The following PRKN variants were observed in gnomAD, a reference collection of about 807,000 sequenced individuals.
PRKN encodes parkin RBR E3 ubiquitin protein ligase.
A neutral mutation model predicts 59.5 loss-of-function variants in PRKN; 56 were observed. The ratio of observed to expected loss-of-function variants is 0.94; its 90% CI spans 0.76 to 1.18. The LOEUF is 1.18. Ranked by LOEUF, PRKN falls within the 50% of genes most tolerant of loss-of-function variation. The pLI, the probability that PRKN is intolerant of heterozygous loss-of-function variation, is 0.00. For synonymous variants in PRKN, 250 were observed against 222.1 expected (o/e 1.13, Z -1.12); for missense variants, 657 against 596.4 (o/e 1.10, Z -1.06).
intron 2 of PRKN, among the ~76,000 whole-genome samples, chr6:162,400,320 A>G (rs1787707839): frequency 6.6e-6 from 1 of 152,128 alleles, no homozygotes; most frequent in Admixed American, 6.6e-5. Context: ...ACACCAGATT[A>G]TAACTTATTA....
At chr6:161,657,276 T>C (rs1179006524) in intron 7 of PRKN, among the ~76,000 whole-genome samples, 1 of 152,206 alleles carries the variant, frequency 6.6e-6, no homozygotes, top group African/African-American at 2.4e-5. Context: ...CCACTTCTCA[T>C]GTAGATTTCT....
At chr6:162,257,139 T>C (rs2128098374) in intron 3 of PRKN, among the ~76,000 whole-genome samples, 1 of 152,262 alleles carries the variant, frequency 6.6e-6, no homozygotes, top group Non-Finnish European at 1.5e-5. Flanking sequence ...TCCCGCTCTA[T>C]TTCATGACAT....
chr6:162,159,331 T>C (rs899886452), intron 4 of PRKN, among the ~76,000 whole-genome samples: 4 of 152,216 alleles, frequency 2.6e-5, no homozygotes, highest in African/African-American at 7.2e-5. Flanking sequence ...CTTTTCTATA[T>C]ATTAGCAACA....
intron 5 of PRKN, among the ~76,000 whole-genome samples, chr6:162,025,993 A>G (rs1783420177): frequency 6.6e-6 from 1 of 152,132 alleles, no homozygotes; most frequent in South Asian, 2.1e-4. Flanking sequence ...CAGTCAAGGA[A>G]AGGTTAACAA....
intron 7 of PRKN, among the ~76,000 whole-genome samples, chr6:161,697,347 G>A (rs1020611117): frequency 1.3e-5 from 2 of 152,092 alleles, no homozygotes; most frequent in Non-Finnish European, 2.9e-5. Context: ...TGTGAATTAC[G>A]TGCTTCCTAT....
intron 2 of PRKN, among the ~76,000 whole-genome samples, chr6:162,423,827 C>A (rs1789095424): frequency 6.6e-6 from 1 of 152,108 alleles, no homozygotes; most frequent in South Asian, 2.1e-4. Context: ...AGTGCCTACC[C>A]ACTGGATAAA....
intron 4 of PRKN, among the ~76,000 whole-genome samples, chr6:162,189,057 T>G (rs984981392): frequency 3.3e-5 from 5 of 151,366 alleles, no homozygotes; most frequent in Admixed American, 1.3e-4. Context: ...ACTGCAGAGT[T>G]GATTCCTACT....
intron 7 of PRKN, among the ~76,000 whole-genome samples, chr6:161,776,938 G>T (rs1789949720): frequency 6.6e-6 from 1 of 152,148 alleles, no homozygotes; most frequent in African/African-American, 2.4e-5. Flanking sequence ...TAATAAATTA[G>T]AAATGTTCTT....
At chr6:162,378,466 C>G (rs981993183) in intron 2 of PRKN, among the ~76,000 whole-genome samples, 1 of 152,216 alleles carries the variant, frequency 6.6e-6, no homozygotes, top group South Asian at 2.1e-4. Context: ...CACAGGCCAA[C>G]GGATGTTTCT....
intron 4 of PRKN, among the ~76,000 whole-genome samples, chr6:162,109,896 G>C (rs765058740): frequency 1.0e-3 from 154 of 152,146 alleles, no homozygotes; most frequent in Non-Finnish European, 2.9e-4. Flanking sequence ...ATATCCCCAA[G>C]CTTAAATTAG....
intron 1 of PRKN, among the ~76,000 whole-genome samples, chr6:162,569,955 C>T (rs1338841505): frequency 3.9e-5 from 6 of 152,094 alleles, no homozygotes; most frequent in Non-Finnish European, 7.3e-5. Context: ...AATAAAACCT[C>T]AGCTAGCCCT....
rs1439054736 is a variant in PRKN, at chr6:161,562,172, C to T, written c.933+7183G>A. ...CCCGCCTTCTTGGCTTCCCCAACAC[C>T]ATAAATCAGCATTTCTCCTCTGGAA... On this transcript the variant is annotated intron_variant, in intron 8 of 11. Transcript: ENST00000366898. This position sits in a 1 kb window ranked among gnomAD's most constrained non-coding sequence, Gnocchi z 4.3. 6.6e-6 allele frequency among the ~76,000 whole-genome samples: 1 copy of T among 152,102 alleles called. No individual in the cohort carries two copies. Among genetic ancestry groups the T allele is most frequent in the Non-Finnish European group, 1.5e-5 (1 of 68,022 alleles).
intron 9 of PRKN, among the ~76,000 whole-genome samples, chr6:161,424,952 G>C (rs990273461): frequency 6.6e-6 from 1 of 152,130 alleles, no homozygotes; most frequent in African/African-American, 2.4e-5. Context: ...ACTGTCGAGG[G>C]AGACTATGGG....
At chr6:162,586,066 G>A (rs1468234750) in intron 1 of PRKN, among the ~76,000 whole-genome samples, 1 of 152,106 alleles carries the variant, frequency 6.6e-6, no homozygotes, top group Non-Finnish European at 1.5e-5. Context: ...AAAAGCAAAA[G>A]CTGGGTTTCC....
intron 9 of PRKN, among the ~76,000 whole-genome samples, chr6:161,476,901 G>A (rs1398502875): frequency 6.6e-6 from 1 of 152,224 alleles, no homozygotes; most frequent in Non-Finnish European, 1.5e-5. Flanking sequence ...GCATACAGGA[G>A]CTGCTAACAG....
intron 6 of PRKN, among the ~76,000 whole-genome samples, chr6:161,830,227 TC>T (rs1792427450): frequency 6.6e-6 from 1 of 151,558 alleles, no homozygotes; most frequent in African/African-American, 2.4e-5. Flanking sequence ...TCCTAGTGTG[TC>T]GGGGTTACCT....
chr6:161,779,163 C>G (rs191840055), intron 7 of PRKN, among the ~76,000 whole-genome samples: 10 of 152,186 alleles, frequency 6.6e-5, no homozygotes, highest in African/African-American at 2.4e-4. Context: ...TGGTCTCGAA[C>G]TGCTGACCTC....
chr6:161,649,509 T>A (rs1784075702), intron 7 of PRKN, among the ~76,000 whole-genome samples: 1 of 152,204 alleles, frequency 6.6e-6, no homozygotes, highest in South Asian at 2.1e-4. Flanking sequence ...CTGACAAGCA[T>A]TTGGGACATA....
chr6:161,375,084 G>A (rs957212720), intron 10 of PRKN, among the ~76,000 whole-genome samples: 2 of 151,798 alleles, frequency 1.3e-5, no homozygotes, highest in Non-Finnish European at 2.9e-5. Context: ...GTGAGCTCAG[G>A]GGACCCGCAG....
Sources: gnomAD v4.1 joint callset for allele counts (sites outside exome capture counted in the v4.1 genomes callset) on GRCh38, gnomAD v4.1.1 for gene constraint, Gnocchi (gnomAD v3.1) non-coding constraint, MANE v1.5 for transcripts, NCBI Gene and HGNC (gene_info 2026-07-23, HGNC 2026-07-21) for gene names.